The following NRG1 variants were observed in gnomAD, a reference collection of about 807,000 sequenced individuals.
NRG1 encodes pro-neuregulin-1, membrane-bound isoform.
Under a neutral mutation model 63.8 loss-of-function variants are expected in NRG1, and 18 were observed. The observed-to-expected ratio is 0.28, with a 90% CI of 0.19 to 0.42. NRG1 has a LOEUF of 0.42. Among genes scored for constraint, NRG1 ranks in the 10% least tolerant of loss-of-function variants. The pLI is 1.00. For missense variants in NRG1, 762 were observed against 814.7 expected, an observed-to-expected ratio of 0.94 and a Z score of 0.79; for synonymous variants, 302 against 301.3, an observed-to-expected ratio of 1.00 and a Z score of -0.02.
intron 9 of NRG1, among the ~76,000 whole-genome samples, chr8:32,758,725 C>T (rs1830132387): frequency 6.6e-6 from 1 of 151,850 alleles, no homozygotes; most frequent in African/African-American, 2.4e-5. Context: ...TTGTTAAGTC[C>T]CTTATCAGTA....
chr8:31,818,929 C>T (rs546436442), intron 1 of NRG1, among the ~76,000 whole-genome samples: 1 of 152,292 alleles, frequency 6.6e-6, no homozygotes, highest in African/African-American at 2.4e-5. Context: ...TGGTGGGCGC[C>T]TGTAGTCCCA....
chr8:32,126,798 G>T (rs528960529), intron 1 of NRG1, among the ~76,000 whole-genome samples: 2 of 152,030 alleles, frequency 1.3e-5, no homozygotes, highest in East Asian at 1.9e-4. Flanking sequence ...ATACAAATTA[G>T]TGTATTTCCA....
intron 1 of NRG1, among the ~76,000 whole-genome samples, chr8:31,970,158 T>C (rs941951376): frequency 1.3e-5 from 2 of 152,198 alleles, no homozygotes; most frequent in Non-Finnish European, 2.9e-5. Flanking sequence ...TAGAAAATGA[T>C]AATCTGATAG....
At position 32,640,283 on chromosome 8, in the gene NRG1, A is replaced by G. The variant is rs563192119; in HGVS notation, c.502+23398A>G. ...CACACACACACACACACGCACGCAC[A>G]CACACCACACAGTAATTTAACATTA... On this transcript the variant is annotated intron_variant, in intron 5 of 11. Coordinates refer to ENST00000356819, the Ensembl canonical transcript of NRG1. Among the ~76,000 whole-genome samples, 251 of 145,088 alleles carry G rather than the reference A, an allele frequency of 1.7e-3. 2 individuals are homozygous for G. The highest frequency in any genetic ancestry group is 5.9e-3 in the African/African-American group (236 of 39,826).
At chr8:31,734,369 G>A (rs1814436014) in intron 1 of NRG1, among the ~76,000 whole-genome samples, 1 of 152,146 alleles carries the variant, frequency 6.6e-6, no homozygotes, top group Non-Finnish European at 1.5e-5. Flanking sequence ...TGGCAACAGT[G>A]AGTCTGTCTC....
intron 1 of NRG1, among the ~76,000 whole-genome samples, chr8:32,078,491 A>G (rs1424735832): frequency 6.6e-6 from 1 of 152,192 alleles, no homozygotes; most frequent in Non-Finnish European, 1.5e-5. Context: ...AAACAGGCAA[A>G]TACCGGAGCA....
At chr8:32,295,274 C>T (rs1854706156) in intron 1 of NRG1, among the ~76,000 whole-genome samples, 1 of 151,958 alleles carries the variant, frequency 6.6e-6, no homozygotes, top group African/African-American at 2.4e-5. Flanking sequence ...CTGAAATATG[C>T]ATGTCAGAAT....
intron 7 of NRG1, among the ~76,000 whole-genome samples, chr8:32,745,501 G>A (rs929228661): frequency 6.6e-6 from 1 of 152,178 alleles, no homozygotes. Context: ...AAATATGAAA[G>A]AGAGGGACAA....
chr8:32,571,574 G>A (rs1041999573), intron 1 of NRG1, among the ~76,000 whole-genome samples: 3 of 152,024 alleles, frequency 2.0e-5, no homozygotes, highest in African/African-American at 4.8e-5. Context: ...GTATCAGCCA[G>A]CAGAAGCTAG....
At chr8:32,043,529 A>G (rs1176460960) in intron 1 of NRG1, among the ~76,000 whole-genome samples, 1 of 152,058 alleles carries the variant, frequency 6.6e-6, no homozygotes, top group Non-Finnish European at 1.5e-5. Flanking sequence ...AACTATATAA[A>G]TAAATATAGT....
intron 1 of NRG1, among the ~76,000 whole-genome samples, chr8:31,730,855 A>G (rs1041767291): frequency 6.6e-6 from 1 of 152,200 alleles, no homozygotes; most frequent in East Asian, 1.9e-4. Flanking sequence ...ATAAACTTGG[A>G]ACATGTATTC....
intron 1 of NRG1, among the ~76,000 whole-genome samples, chr8:32,341,830 C>T (rs1804123017): frequency 6.6e-6 from 1 of 152,068 alleles, no homozygotes; most frequent in South Asian, 2.1e-4. Context: ...GAAATAATTA[C>T]AAAATATTTT....
Position 31,938,759 on chromosome 8 carries a change from CA to C in NRG1, c.37+299332del, listed in dbSNP as rs1801317477. Among the ~76,000 whole-genome samples, 3 of 152,138 alleles carry C rather than the reference CA, an allele frequency of 2.0e-5. No individual in the cohort carries two copies. In the South Asian group the frequency reaches 6.2e-4, roughly 32 times the overall value. On this transcript the variant is annotated intron_variant, in intron 1 of 10. Transcript: ENST00000519301. ...AATCAAGGACACACTTAGAGAAATG[CA>C]AAATGCACTGGAAAGTCTCAGCCAT... is the stretch of plus-strand genomic sequence containing the variant.
intron 1 of NRG1, among the ~76,000 whole-genome samples, chr8:31,746,644 A>G (rs1260971571): frequency 6.6e-6 from 1 of 151,990 alleles, no homozygotes; most frequent in Non-Finnish European, 1.5e-5. Flanking sequence ...TGATCCAGCA[A>G]TCTCACTGCT....
chr8:32,305,171 T>C (rs1856041854), intron 1 of NRG1, among the ~76,000 whole-genome samples: 1 of 152,080 alleles, frequency 6.6e-6, no homozygotes, highest in Non-Finnish European at 1.5e-5. Context: ...TAAGACTGTA[T>C]TTTTTTAAAT....
intron 1 of NRG1, among the ~76,000 whole-genome samples, chr8:32,296,491 G>A (rs1854888159): frequency 6.6e-6 from 1 of 151,860 alleles, no homozygotes; most frequent in Non-Finnish European, 1.5e-5. Flanking sequence ...TCAGGTGCCT[G>A]TAATCCCAAC....
At chr8:31,924,990 A>T (rs1834221855) in intron 1 of NRG1, among the ~76,000 whole-genome samples, 1 of 151,416 alleles carries the variant, frequency 6.6e-6, no homozygotes, top group South Asian at 2.1e-4. Context: ...GGTGCTTTAA[A>T]ATGAACTTGT....
chr8:32,367,184 TCTA>T (rs1433737125), intron 1 of NRG1, among the ~76,000 whole-genome samples: 1 of 152,190 alleles, frequency 6.6e-6, no homozygotes, highest in African/African-American at 2.4e-5. Flanking sequence ...ATATGATAGT[TCTA>T]CTTTTAGTTT....
At chr8:32,185,560 T>C (rs565746027) in intron 1 of NRG1, among the ~76,000 whole-genome samples, 1 of 152,336 alleles carries the variant, frequency 6.6e-6, no homozygotes, top group South Asian at 2.1e-4. Context: ...ATAATTGTTA[T>C]GTTTATTTTA....
Sources: allele counts gnomAD v4.1 joint callset (sites outside exome capture counted in the v4.1 genomes callset), GRCh38; gene constraint gnomAD v4.1.1; transcripts MANE v1.5; gene names NCBI Gene and HGNC (gene_info 2026-07-23, HGNC 2026-07-21).